Variants in SLC2A13 observed in about 807,000 individuals in gnomAD.
SLC2A13 encodes the protein solute carrier family 2 member 13.
A neutral mutation model predicts 64.4 loss-of-function variants in SLC2A13; 32 were observed. That is an observed-to-expected ratio of 0.50 (90% CI 0.37 to 0.67). The LOEUF (loss-of-function observed/expected upper bound fraction) is 0.67. Among genes scored for constraint, SLC2A13 ranks in the 30% least tolerant of loss-of-function variants. The pLI is 0.00. For missense variants in SLC2A13, 743 were observed against 829.2 expected (o/e 0.90, Z 1.28); for synonymous variants, 338 against 327.1 (o/e 1.03, Z -0.36).
At chr12:39,857,534 C>T (rs1044417123) in intron 6 of SLC2A13, among the ~76,000 whole-genome samples, 24 of 152,290 alleles carry the variant, frequency 1.6e-4, no homozygotes, top group African/African-American at 5.3e-4. Context: ...CTTGCCTAGG[C>T]TACTAAGTTC....
intron 3 of SLC2A13, among the ~76,000 whole-genome samples, chr12:39,993,632 A>G (rs1947176225): frequency 1.3e-5 from 2 of 152,242 alleles, no homozygotes. Flanking sequence ...TTCCAGAGAA[A>G]CTGATTTTGA....
intron 4 of SLC2A13, among the ~76,000 whole-genome samples, chr12:39,938,613 T>C (rs1945962766): frequency 1.3e-5 from 2 of 151,782 alleles, no homozygotes; most frequent in South Asian, 4.2e-4. Context: ...AGAAAATATA[T>C]TTTCATCATT....
intron 7 of SLC2A13, among the ~76,000 whole-genome samples, chr12:39,798,544 C>A (rs141359081): frequency 6.6e-6 from 1 of 152,182 alleles, no homozygotes; most frequent in Non-Finnish European, 1.5e-5. Context: ...ATACTTATTA[C>A]GCATAAGAGC....
chr12:39,795,656 C>A (rs1382862964), intron 7 of SLC2A13, among the ~76,000 whole-genome samples: 1 of 152,120 alleles, frequency 6.6e-6, no homozygotes, highest in Non-Finnish European at 1.5e-5. Context: ...TTGGCTGTTG[C>A]TAGACACCTG....
At chr12:39,994,397 C>CA (rs77951489) in intron 3 of SLC2A13, among the ~76,000 whole-genome samples, 49 of 140,140 alleles carry the variant, frequency 3.5e-4, no homozygotes, top group Non-Finnish European at 5.4e-4. Flanking sequence ...AAAAAAAAAA[C>CA]AAAAAAAAAC....
At chr12:39,946,710 T>C (rs975687146) in intron 4 of SLC2A13, among the ~76,000 whole-genome samples, 3 of 152,186 alleles carry the variant, frequency 2.0e-5, no homozygotes, top group Admixed American at 2.0e-4. Context: ...ACTCCCACCA[T>C]GTTCCCGCAA....
At chr12:39,978,956 C>T (rs1024658654) in intron 3 of SLC2A13, among the ~76,000 whole-genome samples, 2 of 149,162 alleles carry the variant, frequency 1.3e-5, no homozygotes, top group East Asian at 2.0e-4. Flanking sequence ...GTGGTTCTCC[C>T]AGCACGCAGC....
chr12:40,096,146 G>T (rs973002531), intron 1 of SLC2A13, among the ~76,000 whole-genome samples: 3 of 151,242 alleles, frequency 2.0e-5, no homozygotes, highest in African/African-American at 7.3e-5. Flanking sequence ...AGCCAGGATG[G>T]TCTCGATCTC....
At chr12:40,102,883 A>G (rs927931104) in intron 1 of SLC2A13, among the ~76,000 whole-genome samples, 2 of 152,168 alleles carry the variant, frequency 1.3e-5, no homozygotes, top group Admixed American at 1.3e-4. Context: ...CCTAATTTTA[A>G]TCCTAATTTG....
chr12:39,765,781 A>G (rs938159695), intron 7 of SLC2A13, among the ~76,000 whole-genome samples: 1 of 152,080 alleles, frequency 6.6e-6, no homozygotes, highest in African/African-American at 2.4e-5. Context: ...GGTTTGTTAC[A>G]TAGGTAAATG....
At chr12:40,068,318 C>T in intron 1 of SLC2A13, 1 of 416,400 alleles carries the variant, frequency 2.4e-6, no homozygotes, top group Non-Finnish European at 4.8e-6. Flanking sequence ...CCAGTGTGCA[C>T]AGTCTGTAGT....
At chr12:39,900,950 A>T (rs1174683701) in intron 4 of SLC2A13, among the ~76,000 whole-genome samples, 5 of 152,208 alleles carry the variant, frequency 3.3e-5, no homozygotes, top group African/African-American at 4.8e-5. Flanking sequence ...ACCACAAGGC[A>T]ACAGTAACCA....
At chr12:39,888,210 G>T (rs932431300) in intron 4 of SLC2A13, among the ~76,000 whole-genome samples, 2 of 152,104 alleles carry the variant, frequency 1.3e-5, no homozygotes, top group Non-Finnish European at 2.9e-5. Flanking sequence ...ACCATTCTAA[G>T]TTTTTATTTA....
At chr12:39,974,270 T>A (rs1037770091) in intron 3 of SLC2A13, among the ~76,000 whole-genome samples, 2 of 152,232 alleles carry the variant, frequency 1.3e-5, no homozygotes, top group Non-Finnish European at 1.5e-5. Flanking sequence ...CCAAAACTCT[T>A]CCTCTTGACC....
chr12:40,080,531 C>G (rs1010082951), intron 1 of SLC2A13, among the ~76,000 whole-genome samples: 1 of 152,162 alleles, frequency 6.6e-6, no homozygotes, highest in African/African-American at 2.4e-5. Context: ...GCTGGGATTA[C>G]AGGCATGTGC....
At chr12:39,806,880 T>A (rs187231322) in intron 7 of SLC2A13, among the ~76,000 whole-genome samples, 2 of 152,052 alleles carry the variant, frequency 1.3e-5, no homozygotes, top group South Asian at 4.1e-4. Context: ...TACTATACAA[T>A]ACTACTCAGC....
chr12:40,069,880 C>G (rs1419233093), intron 1 of SLC2A13, among the ~76,000 whole-genome samples: 2 of 152,054 alleles, frequency 1.3e-5, no homozygotes, highest in African/African-American at 4.8e-5. Flanking sequence ...CTTTTTGCTG[C>G]TCATTATTTC....
intron 3 of SLC2A13, among the ~76,000 whole-genome samples, chr12:39,970,927 G>A (rs1946636499): frequency 6.6e-6 from 1 of 152,050 alleles, no homozygotes; most frequent in South Asian, 2.1e-4. Context: ...TAAGAATCAT[G>A]TAACGGACTG....
intron 4 of SLC2A13, among the ~76,000 whole-genome samples, chr12:39,881,021 TCCCAA>T (rs1944324990): frequency 6.6e-6 from 1 of 152,218 alleles, no homozygotes; most frequent in African/African-American, 2.4e-5. Flanking sequence ...ATGTGATTGT[TCCCAA>T]ACCTGTTTAT....
Sources: gnomAD v4.1 joint callset for allele counts (sites outside exome capture counted in the v4.1 genomes callset) on GRCh38, gnomAD v4.1.1 for gene constraint, MANE v1.5 for transcripts, NCBI Gene and HGNC (gene_info 2026-07-23, HGNC 2026-07-21) for gene names.